The following KCNH5 variants were observed in gnomAD, a reference collection of about 807,000 sequenced individuals.
The protein encoded by KCNH5 is potassium voltage-gated channel subfamily H member 5.
Under a neutral mutation model 96.1 loss-of-function variants are expected in KCNH5, and 46 were observed. That is an observed-to-expected ratio of 0.48 (90% CI 0.38 to 0.61). The LOEUF is 0.61. Among genes scored for constraint, KCNH5 ranks in the 20% least tolerant of loss-of-function variants. KCNH5 has a pLI of 0.00. For synonymous variants in KCNH5, 439 were observed against 449.8 expected, an observed-to-expected ratio of 0.98 and a Z score of 0.30; for missense variants, 907 against 1,225.8, an observed-to-expected ratio of 0.74 and a Z score of 3.88.
At chr14:62,937,237 T>C (rs1438902437) in intron 7 of KCNH5, among the ~76,000 whole-genome samples, 1 of 152,122 alleles carries the variant, frequency 6.6e-6, no homozygotes, top group Non-Finnish European at 1.5e-5. Context: ...TTGCTGGTCT[T>C]ACCGTATGTC....
At chr14:62,777,775 A>T (rs774059061) in intron 10 of KCNH5, among the ~76,000 whole-genome samples, 4 of 152,170 alleles carry the variant, frequency 2.6e-5, no homozygotes, top group Non-Finnish European at 5.9e-5. Flanking sequence ...TTCTGTCTCT[A>T]GCTTGTCTTC....
chr14:63,023,440 T>C (rs1159846680), intron 1 of KCNH5, among the ~76,000 whole-genome samples: 1 of 152,208 alleles, frequency 6.6e-6, no homozygotes, highest in Non-Finnish European at 1.5e-5. Flanking sequence ...ATAATGTCTT[T>C]CTAAATATTC....
chr14:62,854,022 AAAAAAC>A (rs1358570572), intron 7 of KCNH5, among the ~76,000 whole-genome samples: 15 of 150,420 alleles, frequency 1.0e-4, no homozygotes, highest in African/African-American at 1.2e-4. Context: ...AAAAAAACAA[AAAAAAC>A]AAAAAAAACA....
intron 8 of KCNH5, among the ~76,000 whole-genome samples, chr14:62,815,918 T>G (rs893454684): frequency 2.6e-5 from 4 of 151,830 alleles, no homozygotes; most frequent in African/African-American, 9.7e-5. Flanking sequence ...GTAGTCAAAA[T>G]AGGTCACAGA....
At chr14:62,915,942 TTTTTTTTTC>T (rs942736597) in intron 7 of KCNH5, among the ~76,000 whole-genome samples, 136 of 148,390 alleles carry the variant, frequency 9.2e-4, no homozygotes, top group Non-Finnish European at 1.7e-3. Context: ...TCTTTTTTTC[TTTTTTTTTC>T]TTTTTTTTCT....
intron 5 of KCNH5, 75 bp from the exon 6 acceptor site, chr14:62,981,339 C>CTGTGGTTTGACTGCCAGT: frequency 1.4e-6 from 2 of 1,401,806 alleles, no homozygotes; most frequent in Non-Finnish European, 2.0e-6. Context: ...AATCTACTGG[C>CTGTGGTTTGACTGCCAGT]AGTCAAACCA....
At chr14:62,797,905 T>C (rs989744639) in intron 9 of KCNH5, among the ~76,000 whole-genome samples, 3 of 151,918 alleles carry the variant, frequency 2.0e-5, no homozygotes, top group Admixed American at 1.3e-4. Context: ...TTAGTAGAGA[T>C]GGGGTTTCAC....
At chr14:62,718,944 A>T (rs757192688) in intron 10 of KCNH5, among the ~76,000 whole-genome samples, 19 of 152,212 alleles carry the variant, frequency 1.2e-4, no homozygotes, top group Admixed American at 2.6e-4. Context: ...AAGTGAGAGG[A>T]ACCTGACTAA....
intron 2 of KCNH5, among the ~76,000 whole-genome samples, chr14:63,007,406 G>T (rs746588330): frequency 1.6e-4 from 25 of 152,210 alleles, no homozygotes; most frequent in Non-Finnish European, 1.0e-4. Flanking sequence ...AAAAGCCAAA[G>T]AATTGTTTAA....
intron 6 of KCNH5, among the ~76,000 whole-genome samples, chr14:62,951,798 T>TA (rs1042566291): frequency 6.6e-6 from 1 of 151,586 alleles, no homozygotes; most frequent in African/African-American, 2.4e-5. Flanking sequence ...CTGTCTCTAC[T>TA]AAAAAAACTC....
At chr14:62,785,535 C>G (rs527725344) in intron 9 of KCNH5, among the ~76,000 whole-genome samples, 1 of 152,290 alleles carries the variant, frequency 6.6e-6, no homozygotes, top group South Asian at 2.1e-4. Context: ...CTAGAGATAA[C>G]TAACCTCCCC....
intron 8 of KCNH5, among the ~76,000 whole-genome samples, chr14:62,817,991 C>T (rs1336510059): frequency 2.0e-5 from 3 of 149,292 alleles, no homozygotes; most frequent in Admixed American, 1.4e-4. Context: ...GGACATTGAG[C>T]TAAGTGAAAT....
chr14:62,888,407 G>A (rs545378521), intron 7 of KCNH5, among the ~76,000 whole-genome samples: 5 of 152,166 alleles, frequency 3.3e-5, no homozygotes, highest in African/African-American at 1.2e-4. Flanking sequence ...TATCACCCTT[G>A]GCAGGAAAAT....
At chr14:63,030,893 C>T (rs1891612771) in intron 1 of KCNH5, among the ~76,000 whole-genome samples, 1 of 152,154 alleles carries the variant, frequency 6.6e-6, no homozygotes, top group Admixed American at 6.5e-5. Context: ...AAGTCTGGCA[C>T]ACTTTGATCC....
intron 7 of KCNH5, among the ~76,000 whole-genome samples, chr14:62,937,848 G>A (rs568793920): frequency 2.2e-4 from 33 of 152,256 alleles, no homozygotes; most frequent in Admixed American, 1.6e-3. Flanking sequence ...GTGTCAGTGT[G>A]TGCCTGGGGA....
intron 7 of KCNH5, among the ~76,000 whole-genome samples, chr14:62,882,855 GCATT>G (rs1165529963): frequency 6.6e-6 from 1 of 152,156 alleles, no homozygotes; most frequent in Non-Finnish European, 1.5e-5. Context: ...ATCTGACTTA[GCATT>G]CAGAAAACTA....
chr14:62,912,328 C>G (rs1889184321), intron 7 of KCNH5, among the ~76,000 whole-genome samples: 1 of 151,900 alleles, frequency 6.6e-6, no homozygotes, highest in African/African-American at 2.4e-5. Context: ...AGTACTTATA[C>G]TGTTTGCTGA....
intron 8 of KCNH5, among the ~76,000 whole-genome samples, chr14:62,838,167 G>C (rs1566677213): frequency 6.6e-6 from 1 of 152,150 alleles, no homozygotes; most frequent in Non-Finnish European, 1.5e-5. Flanking sequence ...TCTTGGAAAA[G>C]ATCATCAAGC....
chr14:62,927,251 G>A (rs1889493813), intron 7 of KCNH5, among the ~76,000 whole-genome samples: 1 of 152,096 alleles, frequency 6.6e-6, no homozygotes, highest in African/African-American at 2.4e-5. Context: ...TGTTGACAGG[G>A]ATGTGGAGAA....
Sources: allele counts gnomAD v4.1 joint callset (sites outside exome capture counted in the v4.1 genomes callset), GRCh38; gene constraint gnomAD v4.1.1; transcripts MANE v1.5; gene names NCBI Gene and HGNC (gene_info 2026-07-23, HGNC 2026-07-21).